ZNF609: variants seen among roughly 807,000 people sequenced by gnomAD.
ZNF609 encodes the protein zinc finger protein 609.
A neutral mutation model predicts 109.5 loss-of-function variants in ZNF609; 11 were observed. The ratio of observed to expected loss-of-function variants is 0.10; its 90% confidence interval spans 0.06 to 0.17. The LOEUF (loss-of-function observed/expected upper bound fraction) is 0.17. Ranked by LOEUF, ZNF609 falls within the 10% of genes least tolerant of loss-of-function variation. ZNF609 has a pLI of 1.00. For missense variants in ZNF609, 1,559 were observed against 1,772.4 expected, an observed-to-expected ratio of 0.88 and a Z score of 2.16; for synonymous variants, 646 against 662.0, an observed-to-expected ratio of 0.98 and a Z score of 0.37.
intron 3 of ZNF609, 130 bp downstream of exon 3, chr15:64,623,182 C>A (rs1043539105): frequency 8.7e-6 from 8 of 922,058 alleles, no homozygotes; most frequent in Non-Finnish European, 1.3e-5. Flanking sequence ...GCGGGAGATA[C>A]CCACACAGAG....
Position 64,685,345 on chromosome 15 carries a change from C to G in ZNF609, c.*3659C>G, listed in dbSNP as rs1338839047. On this transcript the variant is annotated 3_prime_UTR_variant, in exon 10 of 10. Coordinates refer to ENST00000326648, the MANE Select transcript of ZNF609 (RefSeq NM_015042.2). ...TCCTTCCTCCCAATTTTCCTGTTCT[C>G]CCTCAGCTCTCCTGATCTTCCTGGC... 6.5e-6 allele frequency: 1 copy of G among 152,700 alleles called. No homozygotes were observed. Among genetic ancestry groups the G allele is most frequent in the Non-Finnish European group, 1.5e-5 (1 of 68,106 alleles). The allele number at this position is 152,700 out of a possible 1,614,324, so 9.5% of individuals were successfully genotyped here.
chr15:64,551,333 T>G (rs1409423722), intron 2 of ZNF609, among the ~76,000 whole-genome samples: 1 of 152,222 alleles, frequency 6.6e-6, no homozygotes, highest in Non-Finnish European at 1.5e-5. Flanking sequence ...TATACCTTAA[T>G]TCAAAGAGTT....
intron 2 of ZNF609, among the ~76,000 whole-genome samples, chr15:64,517,141 C>G (rs1371477487): frequency 6.6e-6 from 1 of 152,092 alleles, no homozygotes; most frequent in Admixed American, 6.6e-5. Context: ...TTTGGGAGGC[C>G]AAAGCACGTG....
At chr15:64,657,903 T>C (rs1027084985) in intron 3 of ZNF609, among the ~76,000 whole-genome samples, 2 of 152,190 alleles carry the variant, frequency 1.3e-5, no homozygotes, top group East Asian at 3.9e-4. Flanking sequence ...CTCCTGGCTA[T>C]GCCCAAAGTT....
intron 3 of ZNF609, among the ~76,000 whole-genome samples, chr15:64,655,137 AC>A (rs1896471855): frequency 6.8e-6 from 1 of 147,872 alleles, no homozygotes; most frequent in African/African-American, 2.7e-5. Context: ...GGGAAAAAAA[AC>A]AGAATAGAAA....
At chr15:64,523,719 C>T (rs1045185753) in intron 2 of ZNF609, among the ~76,000 whole-genome samples, 2 of 151,158 alleles carry the variant, frequency 1.3e-5, no homozygotes, top group Non-Finnish European at 2.9e-5. Context: ...GCAGAGATCA[C>T]GCCACTGCAC....
intron 2 of ZNF609, among the ~76,000 whole-genome samples, chr15:64,567,754 C>T (rs1024257749): frequency 3.3e-5 from 5 of 151,746 alleles, no homozygotes; most frequent in African/African-American, 7.3e-5. Flanking sequence ...CTCTGTCTCC[C>T]GGGTTCAAGC....
chr15:64,577,589 A>G (rs1185714194), intron 2 of ZNF609, among the ~76,000 whole-genome samples: 1 of 12,280 alleles, frequency 8.1e-5, no homozygotes, highest in African/African-American at 1.6e-4. Context: ...ATGTGTATAT[A>G]TACACATATA....
chr15:64,579,598 T>G (rs1895060677), intron 2 of ZNF609, among the ~76,000 whole-genome samples: 1 of 151,434 alleles, frequency 6.6e-6, no homozygotes. Flanking sequence ...TAGTCCCAGC[T>G]ACTTGGGAGG....
intron 3 of ZNF609, among the ~76,000 whole-genome samples, chr15:64,642,125 C>A (rs998126545): frequency 7.2e-5 from 11 of 152,168 alleles, no homozygotes; most frequent in Non-Finnish European, 1.5e-4. Flanking sequence ...AAAGCATTCT[C>A]TCTAATAATT....
intron 3 of ZNF609, among the ~76,000 whole-genome samples, chr15:64,628,948 C>CTT (rs1453446782): frequency 7.4e-4 from 112 of 152,186 alleles, no homozygotes; most frequent in African/African-American, 2.6e-3. Flanking sequence ...GTAATAACAT[C>CTT]CTGTCATCAG....
intron 1 of ZNF609, among the ~76,000 whole-genome samples, chr15:64,470,087 G>A (rs1162422355): frequency 2.6e-5 from 4 of 152,046 alleles, no homozygotes; most frequent in East Asian, 1.9e-4. Context: ...TGTTTTGTTC[G>A]GAAAATAAAA....
rs775527243 is a variant in ZNF609, at chr15:64,622,944, G to A, written c.865G>A (p.Val289Ile). Residue 289 changes from valine (V) to isoleucine (I), a missense_variant, in exon 3 of 10, where the codon GTC becomes ATC. By Grantham distance (29) the Val-to-Ile change is conservative. This residue lies in a region of ZNF609 where 291 missense variants were observed against 317.8 expected (regional missense o/e 0.92). Transcript: ENST00000326648. ...QIMVRTRSVGVNTCDVALATE... is the reference protein window; with the variant it reads ...QIMVRTRSVGINTCDVALATE... ...CATGGTTCGTACCCGATCAGTTGGG[G>A]TCAACACATGTGATGTGGCTCTGGC... is the stretch of plus-strand genomic sequence containing the variant. 3 of 1,614,224 alleles carry A rather than the reference G, an allele frequency of 1.9e-6. No homozygotes were observed. The South Asian group carries it at 3.3e-5, about 18-fold the overall frequency.
intron 3 of ZNF609, among the ~76,000 whole-genome samples, chr15:64,653,370 C>T (rs184508060): frequency 3.3e-5 from 5 of 152,114 alleles, no homozygotes; most frequent in South Asian, 2.1e-4. Flanking sequence ...AAGCGCCAGG[C>T]GCAGTGGCTC....
intron 2 of ZNF609, among the ~76,000 whole-genome samples, chr15:64,540,626 G>A (rs910770325): frequency 6.6e-6 from 1 of 151,164 alleles, no homozygotes; most frequent in Non-Finnish European, 1.5e-5. Flanking sequence ...GCGTGGTCTT[G>A]AACCCTTTAC....
At chr15:64,628,111 A>G (rs1392167159) in intron 3 of ZNF609, among the ~76,000 whole-genome samples, 3 of 151,156 alleles carry the variant, frequency 2.0e-5, no homozygotes, top group African/African-American at 7.3e-5. Flanking sequence ...TATCTCTACA[A>G]AAAAAATTTT....
intron 2 of ZNF609, among the ~76,000 whole-genome samples, chr15:64,597,997 A>G (rs1282035576): frequency 6.6e-6 from 1 of 152,224 alleles, no homozygotes; most frequent in Non-Finnish European, 1.5e-5. Flanking sequence ...TAGAAAAATA[A>G]ATTATCAATG....
rs1567018982 is a variant in ZNF609 at position 64,576,949 on chromosome 15, C to CATATATGTATATATACACATAAAT, written c.748-45871_748-45848dup. Among the ~76,000 whole-genome samples the CATATATGTATATATACACATAAAT allele has an allele frequency of 1.4e-3, 74 of 52,228 alleles. 4 individuals carry two copies. The highest frequency in any genetic ancestry group is 2.7e-3 in the East Asian group (2 of 728). The allele number at this position is 52,228 out of a possible 152,430, so 34.3% of individuals were successfully genotyped here. A position where few individuals can be genotyped will look rare whatever the true frequency, so the allele number is the denominator to read the frequency against. ...GTGTATATATACATATAAATATATA[C>CATATATGTATATATACACATAAAT]ATATATGTATATATACACATAAATA... On this transcript the variant is annotated intron_variant, in intron 2 of 9. Coordinates refer to ENST00000326648, the MANE Select transcript of ZNF609 (RefSeq NM_015042.2).
chr15:64,680,717 C>T lies in ZNF609; in HGVS notation c.4017C>T (p.Ser1339=). 2 of 1,612,598 alleles carry T rather than the reference C, an allele frequency of 1.2e-6. No homozygotes were observed. The change falls in exon 8 of 10, where the codon AGC becomes AGT. Residue 1339 remains serine (S), a synonymous_variant. Coordinates refer to ENST00000326648, the MANE Select transcript of ZNF609 (RefSeq NM_015042.2). The part of the protein sequence containing the change: ...CGVVGGGGSC[S]SVGGASGGER... ...TGGTTGGGGGTGGTGGCAGCTGTAGCAGCGTCGGGGGAGCAAGTGGGGGTG... is the reference window on the plus strand; with the variant it reads ...TGGTTGGGGGTGGTGGCAGCTGTAGTAGCGTCGGGGGAGCAAGTGGGGGTG...
Sources: allele counts gnomAD v4.1 joint callset (sites outside exome capture counted in the v4.1 genomes callset), GRCh38; gene constraint gnomAD v4.1.1; regional missense constraint gnomAD v4.1.1; transcripts MANE v1.5; gene names NCBI Gene and HGNC (gene_info 2026-07-23, HGNC 2026-07-21).